Variants in MTERF4 observed in about 807,000 individuals in gnomAD.
The protein encoded by MTERF4 is transcription termination factor 4, mitochondrial.
In MTERF4, 17 loss-of-function variants were observed where a neutral mutation model predicts 22.5. The observed-to-expected ratio is 0.75, with a 90% CI of 0.52 to 1.13. MTERF4 has a LOEUF of 1.13. MTERF4 is among the 50% of genes most tolerant of loss of function. The probability of loss-of-function intolerance (pLI) is 0.00; values close to 1 mark genes in which losing one functional copy is unlikely to be tolerated. For missense variants in MTERF4, 420 were observed against 466.8 expected (o/e 0.90, Z 0.92); for synonymous variants, 165 against 175.3 (o/e 0.94, Z 0.47).
chr2:241,048,169 C>G, the MTERF4 span: 1 of 980,442 alleles, frequency 1.0e-6, no homozygotes, highest in African/African-American at 1.6e-5. Context: ...GCTACAAATC[C>G]ATTTCCAGAA....
the MTERF4 span, chr2:241,048,756 CTG>C: frequency 1.2e-6 from 2 of 1,610,480 alleles, no homozygotes; most frequent in Non-Finnish European, 1.7e-6. Context: ...TTGGGCTTCT[CTG>C]TGAATTTGGT....
rs758822963 is a variant in MTERF4, at chr2:241,097,294, A to G, written c.654T>C (p.Ser218=). 3.1e-6 allele frequency: 5 copies of G among 1,614,098 alleles called. No individual in the cohort carries two copies. The highest frequency in any genetic ancestry group is 3.4e-6 in the Non-Finnish European group (4 of 1,180,048). ...GGTCCTCTCGAAGAACAGAGGGGCA[A>G]CTGTGCAAAATCTTGGTGACTTGCT... ...TVQQVTKILH[S]CPSVLREDLG... The change falls in exon 3 of 4, where the codon AGT becomes AGC. Residue 218 remains serine (S), a synonymous_variant. Transcript: ENST00000391980.
the MTERF4 span, chr2:241,048,249 T>C: frequency 6.7e-7 from 1 of 1,490,854 alleles, no homozygotes. Flanking sequence ...CCATTGGAGC[T>C]GGGCGGGGAG....
At chr2:241,048,694 G>A in the MTERF4 span, 2 of 1,612,632 alleles carry the variant, frequency 1.2e-6, no homozygotes, top group Non-Finnish European at 1.7e-6. Context: ...CCGCAACGGA[G>A]GCAGATGCCT....
At chr2:241,065,591 C>T in the MTERF4 span, 2 of 1,611,262 alleles carry the variant, frequency 1.2e-6, no homozygotes, top group Non-Finnish European at 8.5e-7. Context: ...TGCTGGCCCG[C>T]ACGCGTGAGT....
downstream of MTERF4, chr2:241,071,829 G>A: frequency 6.2e-7 from 1 of 1,604,382 alleles, no homozygotes; most frequent in Non-Finnish European, 8.5e-7. Context: ...GAGGAAGAGT[G>A]AGCGCCAGGT....
chr2:241,056,167 A>T, the MTERF4 span, among the ~76,000 whole-genome samples: 1 of 152,242 alleles, frequency 6.6e-6, no homozygotes, highest in East Asian at 1.9e-4. Context: ...CTTTATGTTA[A>T]AGAAAAACGA....
chr2:241,096,263 A>G lies in MTERF4; in HGVS notation c.881T>C (p.Leu294Pro). The change falls in exon 4 of 4, where the codon CTC becomes CCC. Residue 294 changes from leucine (L) to proline (P), a missense_variant. Coordinates refer to ENST00000391980, the MANE Select transcript of MTERF4 (RefSeq NM_182501.4). This position sits in a 1 kb window ranked among gnomAD's most constrained non-coding sequence, Gnocchi z 5.1. ...QIPNPLLKDI[L>P]RVSEAEFLAR... Reference sequence around the variant, plus strand: ...CAAAAACTCAGCTTCTGAAACTCTGAGAATGTCCTTGAGCAATGGGTTAGG... The same window carrying G: ...CAAAAACTCAGCTTCTGAAACTCTGGGAATGTCCTTGAGCAATGGGTTAGG... 6.2e-7 allele frequency: 1 copy of G among 1,614,192 alleles called. No homozygotes were observed. Among genetic ancestry groups the G allele is most frequent in the Non-Finnish European group, 8.5e-7 (1 of 1,180,044 alleles).
chr2:241,048,069 G>C, the MTERF4 span, among the ~76,000 whole-genome samples: 2 of 152,170 alleles, frequency 1.3e-5, no homozygotes, highest in South Asian at 2.1e-4. Flanking sequence ...GGTGCTTCTT[G>C]TTCTGTCCAA....
At chr2:241,085,459 A>C (rs2063528216), downstream of MTERF4, among the ~76,000 whole-genome samples, 1 of 152,166 alleles carries the variant, frequency 6.6e-6, no homozygotes, top group Admixed American at 6.5e-5. Flanking sequence ...TCCAATTTCT[A>C]TCTTCATTAT....
the MTERF4 span, among the ~76,000 whole-genome samples, chr2:241,044,175 A>G: frequency 1.3e-5 from 2 of 152,262 alleles, no homozygotes; most frequent in Non-Finnish European, 2.9e-5. Flanking sequence ...AAAAGCCGAT[A>G]GCAAGATGAT....
rs766935642 is a variant in MTERF4 at position 241,102,287 on chromosome 2, T to A, written c.-14A>T. 2 of 1,548,600 alleles carry A rather than the reference T, an allele frequency of 1.3e-6. No homozygotes were observed. Among genetic ancestry groups the A allele is most frequent in the Non-Finnish European group, 1.7e-6 (2 of 1,145,340 alleles). On this transcript the variant is annotated 5_prime_UTR_variant, in exon 1 of 4. Coordinates refer to ENST00000391980, the MANE Select transcript of MTERF4 (RefSeq NM_182501.4). ...GAACGCAGCCATAGCGCGGAGAAGA[T>A]GGCAGCAGTTACGGCGCCGGAAGCA... is the stretch of plus-strand genomic sequence containing the variant.
exon 5 of MTERF4, chr2:241,072,522 T>TC (rs749058878): frequency 9.1e-6 from 3 of 330,990 alleles, no homozygotes; most frequent in Non-Finnish European, 1.8e-5. Context: ...CTCATGGAAC[T>TC]CCCCAACAGA....
chr2:241,074,661 A>G (rs1408421761), exon 5 of MTERF4: 1 of 152,168 alleles, frequency 6.6e-6, no homozygotes, highest in Non-Finnish European at 1.5e-5. Context: ...TGGGTGCAAA[A>G]TGATTTTAAG....
At chr2:241,048,800 C>T in the MTERF4 span, 3 of 1,517,840 alleles carry the variant, frequency 2.0e-6, no homozygotes, top group African/African-American at 4.1e-5. Context: ...TGCCCTGTCC[C>T]TGAGCATCCT....
At chr2:241,062,710 C>T in the MTERF4 span, 1 of 883,568 alleles carries the variant, frequency 1.1e-6, no homozygotes, top group Non-Finnish European at 1.8e-6. Flanking sequence ...TTCTGTCTGG[C>T]CCCTCAGGAC....
At chr2:241,081,602 G>C (rs2063332961) in intron 4 of MTERF4, 1 of 1,071,980 alleles carries the variant, frequency 9.3e-7, no homozygotes, top group Non-Finnish European at 1.4e-6. Context: ...CATCAAGGAA[G>C]GGACAGCAAC....
chr2:241,096,304 C>G lies in MTERF4; in HGVS notation c.840G>C (p.Lys280Asn). 6.2e-7 allele frequency: 1 copy of G among 1,614,202 alleles called. No individual in the cohort carries two copies. The highest frequency in any genetic ancestry group is 8.5e-7 in the Non-Finnish European group (1 of 1,180,032). ...ATGGGTTAGGGATCTGTGTCTGCCC[C>G]TTCTTATCAGGGGTTTGGTACCGTC... ...RLGRYQTPDKKGQTQIPNPLL... is the reference protein window; with the variant it reads ...RLGRYQTPDKNGQTQIPNPLL... Residue 280 changes from lysine (K) to asparagine (N), a missense_variant, in exon 4 of 4, where the codon AAG becomes AAC. Coordinates refer to ENST00000391980, the MANE Select transcript of MTERF4 (RefSeq NM_182501.4). This position sits in a 1 kb window ranked among gnomAD's most constrained non-coding sequence, Gnocchi z 5.1.
chr2:241,065,050 G>A, the MTERF4 span: 33 of 1,028,110 alleles, frequency 3.2e-5, no homozygotes, highest in African/African-American at 9.8e-5. Flanking sequence ...GCGTCTGGCC[G>A]CTGCTTGCCC....
Sources: gnomAD v4.1 joint callset for allele counts (sites outside exome capture counted in the v4.1 genomes callset) on GRCh38, gnomAD v4.1.1 for gene constraint, Gnocchi (gnomAD v3.1) non-coding constraint, MANE v1.5 for transcripts, NCBI Gene and HGNC (gene_info 2026-07-23, HGNC 2026-07-21) for gene names.